The following DIAPH1 variants were observed in gnomAD, a reference collection of about 807,000 sequenced individuals.
DIAPH1 encodes the protein diaphanous related formin 1, also known as protein diaphanous homolog 1.
In DIAPH1, 46 loss-of-function variants were observed where a neutral mutation model predicts 140.7. That is an observed-to-expected ratio of 0.33 (90% CI 0.26 to 0.42). The LOEUF (loss-of-function observed/expected upper bound fraction) is 0.42. Among genes scored for constraint, DIAPH1 ranks in the 10% least tolerant of loss-of-function variants. The pLI is 1.00. For synonymous variants in DIAPH1, 565 were observed against 551.6 expected, an observed-to-expected ratio of 1.02 and a Z score of -0.34; for missense variants, 1,310 against 1,558.7, an observed-to-expected ratio of 0.84 and a Z score of 2.69.
chr5:141,617,292 A>G (rs2099902833), intron 1 of DIAPH1, among the ~76,000 whole-genome samples: 1 of 151,352 alleles, frequency 6.6e-6, no homozygotes, highest in Admixed American at 6.6e-5. Context: ...TTAACCTTAT[A>G]TTTCTAGGGG....
chr5:141,580,650 A>C (rs144411203), intron 8 of DIAPH1, 94 bp downstream of exon 8: 1 of 1,265,030 alleles, frequency 7.9e-7, no homozygotes, highest in Non-Finnish European at 1.2e-6. Flanking sequence ...AGTATTTATG[A>C]CCGAGAGGAC....
Position 141,591,158 on chromosome 5 carries a change from G to T in DIAPH1, c.118-2908C>A, listed in dbSNP as rs533217784. Among the ~76,000 whole-genome samples the T allele has an allele frequency of 1.4e-4, 22 of 152,074 alleles. No homozygotes were observed. In the South Asian group the frequency reaches 4.6e-3, roughly 32 times the overall value. On this transcript the variant is annotated intron_variant, in intron 1 of 27. Coordinates refer to ENST00000389054, the MANE Select transcript of DIAPH1 (RefSeq NM_005219.5). ...TCCAAACAGATGACGCTGCCTCAATGCCCCAGACTTGCCCTAGGCTGCTGC... is the reference window on the plus strand; with the variant it reads ...TCCAAACAGATGACGCTGCCTCAATTCCCCAGACTTGCCCTAGGCTGCTGC...
chr5:141,565,842 G>A lies in DIAPH1; in HGVS notation c.2482+5586C>T, dbSNP rs2099894284. Among the ~76,000 whole-genome samples, 1 of 152,174 alleles carries A rather than the reference G, an allele frequency of 6.6e-6. No homozygotes were observed. ...CAGTGAGTTAGCAGGAAAAGTAAGTGTTTCCTGTCCTGAAAGCTAAGAGAA... is the reference window on the plus strand; with the variant it reads ...CAGTGAGTTAGCAGGAAAAGTAAGTATTTCCTGTCCTGAAAGCTAAGAGAA... On this transcript the variant is annotated intron_variant, in intron 18 of 27. Transcript: ENST00000389054. The surrounding 1 kb of genome is among the most constrained non-coding windows in gnomAD (Gnocchi z 4.3).
Position 141,573,807 on chromosome 5 carries a change from C to G in DIAPH1, c.2043G>C (p.Leu681Phe). Residue 681 changes from leucine (L) to phenylalanine (F), a missense_variant, in exon 16 of 28, where the codon TTG becomes TTC. This residue lies in a region of DIAPH1 where 589 missense variants were observed against 549.3 expected (regional missense o/e 1.07). Transcript: ENST00000389054. ...GGTAIPPPPP[L>F]PGSARIPPPP... ...GTGGGGGGATTCTAGCACTCCCAGG[C>G]AAAGGAGGAGGTGGGGGGATGGCAG... The G allele has an allele frequency of 6.9e-7, 1 of 1,442,266 alleles. No individual in the cohort carries two copies. The highest frequency in any genetic ancestry group is 9.1e-7 in the Non-Finnish European group (1 of 1,093,260). 89.3% of individuals were successfully genotyped at this position (1,442,266 alleles called of 1,614,324 possible). A position where few individuals can be genotyped will look rare whatever the true frequency, so the allele number is the denominator to read the frequency against.
chr5:141,577,311 G>GGA (rs2099896118), intron 12 of DIAPH1, among the ~76,000 whole-genome samples, 164 bp downstream of exon 12: 1 of 152,166 alleles, frequency 6.6e-6, no homozygotes, highest in Admixed American at 6.5e-5. Flanking sequence ...CTTTGAGTTG[G>GGA]ATTAAAGAAA....
At chr5:141,575,994 T>C (rs2099895916) in intron 14 of DIAPH1, among the ~76,000 whole-genome samples, 1 of 152,166 alleles carries the variant, frequency 6.6e-6, no homozygotes, top group Non-Finnish European at 1.5e-5. Context: ...CTGTCTTTCT[T>C]TTCCTGCCCA....
At chr5:141,584,934 A>G (rs1364079585) in intron 3 of DIAPH1, among the ~76,000 whole-genome samples, 2 of 151,246 alleles carry the variant, frequency 1.3e-5, no homozygotes, top group Non-Finnish European at 1.5e-5. Context: ...ATTAATCTGA[A>G]GTTTCTGTGA....
chr5:141,615,391 CCACTG>C (rs1174704248), intron 1 of DIAPH1, among the ~76,000 whole-genome samples: 1 of 144,048 alleles, frequency 6.9e-6, no homozygotes, highest in Non-Finnish European at 1.5e-5. Context: ...CGAGATCGCG[CCACTG>C]CACTGCAGCC....
intron 19 of DIAPH1, among the ~76,000 whole-genome samples, chr5:141,530,004 A>AAGGTT (rs1199822478): frequency 6.6e-6 from 1 of 152,106 alleles, no homozygotes; most frequent in Non-Finnish European, 1.5e-5. Flanking sequence ...GGATCACCTG[A>AAGGTT]GCCCAGGAGG....
At chr5:141,536,047 C>T (rs1004797856) in intron 18 of DIAPH1, 21 of 467,888 alleles carry the variant, frequency 4.5e-5, no homozygotes, top group Non-Finnish European at 8.9e-5. Context: ...CACCTGTAAT[C>T]CCAGCACTTT....
In DIAPH1 at chr5:141,583,602, T is replaced by C. The variant is rs768099536; in HGVS notation, c.416A>G (p.Lys139Arg). The change falls in exon 5 of 28, where the codon AAG (lysine) becomes AGG (arginine). Residue 139 changes from lysine to arginine, a missense_variant. Coordinates refer to ENST00000389054, the MANE Select transcript of DIAPH1 (RefSeq NM_005219.5). Reference protein sequence around the residue: ...LYTSKAGMSQKESSKSAMMYI... With the variant: ...LYTSKAGMSQRESSKSAMMYI... ...CATCATGGCAGACTTAGAGCTCTCCTTCTGGCTCATGCCCTAGACAGAAGG... is the reference window on the plus strand; with the variant it reads ...CATCATGGCAGACTTAGAGCTCTCCCTCTGGCTCATGCCCTAGACAGAAGG... 1 of 1,614,272 alleles carries C rather than the reference T, an allele frequency of 6.2e-7. No individual in the cohort carries two copies.
intron 1 of DIAPH1, 27 bp downstream of exon 1, chr5:141,618,771 C>G (rs778563542): frequency 6.7e-7 from 1 of 1,502,696 alleles, no homozygotes; most frequent in South Asian, 1.2e-5. Flanking sequence ...CGGGGCCAGG[C>G]AGGAGCGGGA....
intron 18 of DIAPH1, among the ~76,000 whole-genome samples, chr5:141,549,734 A>G (rs2099891402): frequency 6.6e-6 from 1 of 152,210 alleles, no homozygotes; most frequent in Non-Finnish European, 1.5e-5. Context: ...GATATTAAGC[A>G]AATATATAAA....
chr5:141,590,774 A>T (rs2099898275), intron 1 of DIAPH1, among the ~76,000 whole-genome samples: 1 of 151,494 alleles, frequency 6.6e-6, no homozygotes, highest in African/African-American at 2.4e-5. Flanking sequence ...GTAACCAGCA[A>T]CCTGTTCTTT....
At position 141,573,819 on chromosome 5, in the gene DIAPH1, T is replaced by C; in HGVS notation, c.2031A>G (p.Pro677=). 1.6e-5 allele frequency: 19 copies of C among 1,215,320 alleles called. No homozygotes were observed. The highest frequency in any genetic ancestry group is 2.0e-5 in the Non-Finnish European group (19 of 957,762). 75.3% of individuals were successfully genotyped at this position (1,215,320 alleles called of 1,614,324 possible). Residue 677 remains proline, a synonymous_variant, in exon 16 of 28, where the codon CCA becomes CCG. Transcript: ENST00000389054. ...SSLPGGTAIP[P]PPPLPGSARI... is the part of the protein sequence containing the mutation. ...TAGCACTCCCAGGCAAAGGAGGAGGTGGGGGGATGGCAGTACCTCCAGGCA... is the reference window on the plus strand; with the variant it reads ...TAGCACTCCCAGGCAAAGGAGGAGGCGGGGGGATGGCAGTACCTCCAGGCA...
At chr5:141,524,645 G>C (rs2099887033) in intron 26 of DIAPH1, 2 of 306,620 alleles carry the variant, frequency 6.5e-6, no homozygotes, top group African/African-American at 2.2e-5. Context: ...GCAGGGCCGA[G>C]GAAAGACCAC....
At chr5:141,589,503 C>T (rs563455799) in intron 1 of DIAPH1, among the ~76,000 whole-genome samples, 7 of 152,226 alleles carry the variant, frequency 4.6e-5, no homozygotes, top group Non-Finnish European at 1.0e-4. Context: ...AATGAACTTA[C>T]AGCTATTCAT....
chr5:141,613,574 C>T (rs935704934), intron 1 of DIAPH1, among the ~76,000 whole-genome samples: 3 of 152,122 alleles, frequency 2.0e-5, no homozygotes, highest in Non-Finnish European at 2.9e-5. Context: ...CATTTAAAGT[C>T]CCTTCCAACT....
intron 18 of DIAPH1, among the ~76,000 whole-genome samples, chr5:141,550,244 T>C (rs1481026244): frequency 6.6e-6 from 1 of 152,102 alleles, no homozygotes; most frequent in Non-Finnish European, 1.5e-5. Context: ...CAAAAATGTA[T>C]AACCTGAATC....
Sources: allele counts gnomAD v4.1 joint callset (sites outside exome capture counted in the v4.1 genomes callset), GRCh38; gene constraint gnomAD v4.1.1; regional missense constraint gnomAD v4.1.1; non-coding constraint Gnocchi (gnomAD v3.1); transcripts MANE v1.5; gene names NCBI Gene and HGNC (gene_info 2026-07-23, HGNC 2026-07-21).